Variants in SNUPN observed in about 807,000 individuals in gnomAD.
SNUPN encodes snurportin 1.
SNUPN carries 31 observed loss-of-function variants against 39.2 expected under a neutral mutation model. The ratio of observed to expected loss-of-function variants is 0.79; its 90% CI spans 0.59 to 1.07. SNUPN has a LOEUF of 1.07. SNUPN is among the 50% of genes least tolerant of loss of function. The pLI is 0.00. For synonymous variants in SNUPN, 132 were observed against 159.0 expected, an observed-to-expected ratio of 0.83 and a Z score of 1.28; for missense variants, 382 against 434.2, an observed-to-expected ratio of 0.88 and a Z score of 1.07.
chr15:75,615,411 T>A (rs923382179), intron 3 of SNUPN, among the ~76,000 whole-genome samples: 38 of 152,080 alleles, frequency 2.5e-4, no homozygotes, highest in African/African-American at 9.2e-4. Context: ...GGGCACACCA[T>A]ATACTCCTTT....
intron 1 of SNUPN, chr15:75,624,633 A>T: frequency 3.8e-6 from 3 of 786,944 alleles, no homozygotes; most frequent in Non-Finnish European, 4.8e-6. Context: ...AGATCGTGCC[A>T]CTGCACTCCA....
rs1446944202 is a variant in SNUPN at position 75,607,297 on chromosome 15, A to G, written c.519T>C (p.Asp173=). Residue 173 remains aspartate, a synonymous_variant, in exon 6 of 9, where the codon GAT becomes GAC. Transcript: ENST00000308588. ...NSTAKDYTIL[D]CIYNEVNQTY... is the part of the protein sequence containing the mutation. Reference sequence around the variant, plus strand: ...TCTGGTTTACCTCATTGTAAATGCAATCTAGAATGGTGTAGTCTGAGGACA... The same window carrying G: ...TCTGGTTTACCTCATTGTAAATGCAGTCTAGAATGGTGTAGTCTGAGGACA... The G allele has an allele frequency of 1.9e-6, 3 of 1,612,136 alleles. No homozygotes were observed. The highest frequency in any genetic ancestry group is 1.3e-5 in the African/African-American group (1 of 74,848).
chr15:75,611,215 T>C (rs1393538943), intron 3 of SNUPN, among the ~76,000 whole-genome samples: 2 of 151,506 alleles, frequency 1.3e-5, no homozygotes, highest in Admixed American at 6.6e-5. Flanking sequence ...ATCTCTCTCA[T>C]TGAATCTTTC....
intron 8 of SNUPN, among the ~76,000 whole-genome samples, chr15:75,599,282 G>A (rs1430380688): frequency 1.3e-5 from 2 of 152,192 alleles, no homozygotes; most frequent in Non-Finnish European, 2.9e-5. Flanking sequence ...GAGAGATGGG[G>A]CTGCTCATAC....
chr15:75,603,290 G>GACAGGGAGA (rs1478204048), intron 7 of SNUPN, among the ~76,000 whole-genome samples: 343 of 143,626 alleles, frequency 2.4e-3, no homozygotes, highest in African/African-American at 8.5e-3. Flanking sequence ...CTCGTGATTC[G>GACAGGGAGA]CCTGTCTCGG....
At chr15:75,602,548 C>CT (rs1241806367) in intron 7 of SNUPN, among the ~76,000 whole-genome samples, 2 of 146,422 alleles carry the variant, frequency 1.4e-5, no homozygotes, top group Non-Finnish European at 3.0e-5. Context: ...AAAAATATTA[C>CT]TGATGCACAG....
At chr15:75,611,206 T>C (rs1892769784) in intron 3 of SNUPN, among the ~76,000 whole-genome samples, 1 of 150,066 alleles carries the variant, frequency 6.7e-6, no homozygotes. Context: ...CATCAATTAA[T>C]CTCTCTCATT....
chr15:75,616,917 G>A (rs1892953245), intron 3 of SNUPN, among the ~76,000 whole-genome samples: 1 of 152,138 alleles, frequency 6.6e-6, no homozygotes, highest in Non-Finnish European at 1.5e-5. Context: ...TTATTCAAGG[G>A]CAGCTGTACT....
At chr15:75,612,972 T>C (rs1404943006) in intron 3 of SNUPN, among the ~76,000 whole-genome samples, 1 of 151,904 alleles carries the variant, frequency 6.6e-6, no homozygotes, top group African/African-American at 2.4e-5. Flanking sequence ...TAGAATATAT[T>C]AAAAACTCTT....
chr15:75,609,782 A>T, intron 4 of SNUPN, 108 bp downstream of exon 4: 2 of 1,146,654 alleles, frequency 1.7e-6, no homozygotes, highest in South Asian at 1.3e-5. Flanking sequence ...AAGTGTTTCA[A>T]GCTCCACTCC....
chr15:75,599,757 C>T (rs1311458222), intron 8 of SNUPN, among the ~76,000 whole-genome samples: 1 of 152,126 alleles, frequency 6.6e-6, no homozygotes, highest in Non-Finnish European at 1.5e-5. Context: ...TCAGCCTTTG[C>T]CATTTCCTTA....
At position 75,620,912 on chromosome 15, in the gene SNUPN, A is replaced by T. The variant is rs1477364141; in HGVS notation, c.140T>A (p.Leu47Ter). The T allele has an allele frequency of 2.5e-6, 4 of 1,613,304 alleles. No individual in the cohort carries two copies. The highest frequency in any genetic ancestry group is 3.4e-6 in the Non-Finnish European group (4 of 1,179,798). The change falls in exon 2 of 9, where the codon TTA (leucine) becomes TAA (stop). Residue 47 changes from leucine to a stop codon, truncating the protein, a stop_gained. Transcript: ENST00000308588. LOFTEE classifies it high-confidence loss of function. The part of the protein sequence containing the change: ...SLEQSERRRR[L>*]LELQKSKRLD... The stretch of plus-strand genomic sequence containing the variant: ...TCCTTACGATTTCTGCAGTTCCAGT[A>T]ACCTCCGGCGGCGCTCACTCTGCTC...
chr15:75,621,765 C>T (rs1296506582), intron 1 of SNUPN, among the ~76,000 whole-genome samples: 2 of 152,180 alleles, frequency 1.3e-5, no homozygotes, highest in African/African-American at 2.4e-5. Context: ...TCGCCAGGCA[C>T]GATGGCTCAT....
At chr15:75,625,183 G>A (rs2141383603) in intron 1 of SNUPN, 1 of 151,954 alleles carries the variant, frequency 6.6e-6, no homozygotes, top group African/African-American at 2.4e-5. Context: ...ACTCCCTAAA[G>A]TCCGACCCGC....
chr15:75,602,942 GT>G (rs2075300633), intron 7 of SNUPN, among the ~76,000 whole-genome samples: 1 of 152,124 alleles, frequency 6.6e-6, no homozygotes. Context: ...TAGAGATGGG[GT>G]TTTGCCATGT....
rs183073953 is a variant in SNUPN at position 75,624,396 on chromosome 15, C to T, written c.-6+1270G>A. ...GTCCTGGGCCTGGCGCGGTGGCTCA[C>T]GCCTGTAATCCCAGCACTTTGGGAG... On this transcript the variant is annotated intron_variant, in intron 1 of 8. Transcript: ENST00000308588. Among the ~76,000 whole-genome samples the T allele has an allele frequency of 5.6e-4, 84 of 149,254 alleles. 1 individual carries two copies. In the East Asian group the frequency reaches 0.016, roughly 29 times the overall value.
In SNUPN at chr15:75,613,423, T is replaced by A. The variant is rs1892846971; in HGVS notation, c.304-3429A>T. Among the ~76,000 whole-genome samples the A allele has an allele frequency of 4.0e-5, 6 of 151,030 alleles. No individual in the cohort carries two copies. The South Asian group carries it at 1.0e-3, about 26-fold the overall frequency. ...ACTTTGGGAGGCCGAGGTGGGCGGA[T>A]CACAAAATCAGGAGTTCGAGACCAG... On this transcript the variant is annotated intron_variant, in intron 3 of 8. Coordinates refer to ENST00000308588, the MANE Select transcript of SNUPN (RefSeq NM_005701.4).
At chr15:75,625,332 C>T (rs1414635842) in intron 1 of SNUPN, 3 of 151,136 alleles carry the variant, frequency 2.0e-5, no homozygotes, top group Non-Finnish European at 4.4e-5. Context: ...CCGCGTTTCC[C>T]TACCCCTGCT....
intron 1 of SNUPN, among the ~76,000 whole-genome samples, chr15:75,623,596 C>T (rs936185656): frequency 6.6e-6 from 1 of 151,960 alleles, no homozygotes; most frequent in African/African-American, 2.4e-5. Flanking sequence ...AGACATGCAC[C>T]ACCATGCTCG....
Sources: allele counts gnomAD v4.1 joint callset (sites outside exome capture counted in the v4.1 genomes callset), GRCh38; gene constraint gnomAD v4.1.1; transcripts MANE v1.5; gene names NCBI Gene and HGNC (gene_info 2026-07-23, HGNC 2026-07-21).